The following CELF2 variants were observed in gnomAD, a reference collection of about 807,000 sequenced individuals.
CELF2 encodes CUGBP Elav-like family member 2.
In CELF2, 8 loss-of-function variants were observed where a neutral mutation model predicts 62.6. The ratio of observed to expected loss-of-function variants is 0.13; its 90% CI spans 0.07 to 0.23. The LOEUF is 0.23. Ranked by LOEUF, CELF2 falls within the 10% of genes least tolerant of loss-of-function variation. The pLI is 1.00. For missense variants in CELF2, 333 were observed against 671.0 expected (o/e 0.50, Z 5.56); for synonymous variants, 258 against 250.0 (o/e 1.03, Z -0.30).
intron 2 of CELF2, among the ~76,000 whole-genome samples, chr10:11,183,282 A>C (rs2073976323): frequency 6.6e-6 from 1 of 152,158 alleles, no homozygotes; most frequent in Non-Finnish European, 1.5e-5. Flanking sequence ...TCACTCATTG[A>C]TTCCTTTTGA....
chr10:10,992,777 A>T lies in CELF2; in HGVS notation c.89+72778A>T, dbSNP rs190193863. 2.2e-4 allele frequency among the ~76,000 whole-genome samples: 34 copies of T among 152,298 alleles called. No individual in the cohort carries two copies. In the East Asian group the frequency reaches 6.2e-3, roughly 28 times the overall value. ...TAATTCAATGATAGGTGATAAATGG[A>T]TGTTTGTTACAGGAATTTGACTGCA... On this transcript the variant is annotated intron_variant, in intron 2 of 13. Transcript: ENST00000636488.
intron 8 of CELF2, among the ~76,000 whole-genome samples, chr10:11,281,621 C>T (rs534048684): frequency 6.6e-6 from 1 of 152,170 alleles, no homozygotes; most frequent in Non-Finnish European, 1.5e-5. Context: ...GGTGTGGTGG[C>T]AAGCGCCTGT....
chr10:10,472,121 T>A, the CELF2 span, among the ~76,000 whole-genome samples: 118 of 152,014 alleles, frequency 7.8e-4, 1 homozygote, highest in African/African-American at 2.7e-3. Context: ...GTTTTCTGAA[T>A]CTGAATTAAA....
At chr10:11,166,741 G>A (rs1379752946) in intron 2 of CELF2, among the ~76,000 whole-genome samples, 1 of 152,112 alleles carries the variant, frequency 6.6e-6, no homozygotes, top group Non-Finnish European at 1.5e-5. Context: ...TATACACTTC[G>A]GTTGGGCACA....
At chr10:10,745,123 A>ACAAAAC in the CELF2 span, among the ~76,000 whole-genome samples, 1 of 119,714 alleles carries the variant, frequency 8.4e-6, no homozygotes, top group Non-Finnish European at 1.8e-5. Flanking sequence ...TAAAAAAAAA[A>ACAAAAC]AAAACAAAAC....
At chr10:10,701,139 C>G in the CELF2 span, among the ~76,000 whole-genome samples, 1 of 152,210 alleles carries the variant, frequency 6.6e-6, no homozygotes, top group Admixed American at 6.5e-5. Context: ...ACATCATGCA[C>G]GAAGGCCCAG....
chr10:11,295,833 G>C (rs1291049581), intron 9 of CELF2, among the ~76,000 whole-genome samples: 4 of 152,168 alleles, frequency 2.6e-5, no homozygotes, highest in African/African-American at 7.2e-5. Context: ...GAGAGAGCAT[G>C]CAAACCCCTC....
chr10:10,563,627 A>T, the CELF2 span, among the ~76,000 whole-genome samples: 1 of 143,760 alleles, frequency 7.0e-6, no homozygotes. Context: ...AAAAAAAAAA[A>T]GGGCAAGGGG....
upstream of CELF2, among the ~76,000 whole-genome samples, chr10:10,795,758 A>G (rs1217325710): frequency 1.3e-5 from 1 of 79,330 alleles, no homozygotes; most frequent in Non-Finnish European, 2.3e-5. Flanking sequence ...AAATTAAGAA[A>G]AAGGCAAAAT....
intron 1 of CELF2, among the ~76,000 whole-genome samples, chr10:11,061,731 G>T (rs1291839): frequency 6.6e-6 from 1 of 151,984 alleles, no homozygotes; most frequent in Non-Finnish European, 1.5e-5. Flanking sequence ...TTTACTAAAC[G>T]TACTCTTCCA....
At chr10:10,823,183 A>T (rs746298224) in intron 1 of CELF2, among the ~76,000 whole-genome samples, 46 of 152,242 alleles carry the variant, frequency 3.0e-4, no homozygotes, top group Non-Finnish European at 5.0e-4. Flanking sequence ...CATAGAAAGA[A>T]ACAGAAAAAA....
At position 11,267,405 on chromosome 10, in the gene CELF2, C is replaced by T. The variant is rs1163924675; in HGVS notation, c.618+728C>T. ...TTTAGTCTGTGATTTGGGTCATGGC[C>T]TTTCAGAATTTTGCACAAAAGCATT... On this transcript the variant is annotated intron_variant, in intron 6 of 12. Transcript: ENST00000633077. The surrounding 1 kb of genome is among the most constrained non-coding windows in gnomAD (Gnocchi z 4.4). Among the ~76,000 whole-genome samples the T allele has an allele frequency of 6.6e-6, 1 of 152,124 alleles. No homozygotes were observed. The highest frequency in any genetic ancestry group is 1.5e-5 in the Non-Finnish European group (1 of 68,020).
chr10:10,562,575 A>T, the CELF2 span, among the ~76,000 whole-genome samples: 1 of 152,172 alleles, frequency 6.6e-6, no homozygotes, highest in Admixed American at 6.5e-5. Context: ...CGGAGCGTTC[A>T]TGCTGTCCTT....
chr10:10,680,029 G>A, the CELF2 span, among the ~76,000 whole-genome samples: 7 of 152,042 alleles, frequency 4.6e-5, no homozygotes, highest in Non-Finnish European at 1.0e-4. Context: ...ATAATGATAC[G>A]TTAATACTCA....
At chr10:10,702,080 C>G in the CELF2 span, among the ~76,000 whole-genome samples, 1 of 152,194 alleles carries the variant, frequency 6.6e-6, no homozygotes, top group Admixed American at 6.5e-5. Context: ...TGGAGGGGAG[C>G]GGCAGATTTG....
At chr10:11,079,095 C>T (rs1218117412) in intron 1 of CELF2, among the ~76,000 whole-genome samples, 1 of 152,094 alleles carries the variant, frequency 6.6e-6, no homozygotes, top group Non-Finnish European at 1.5e-5. Flanking sequence ...TACTCTTACT[C>T]CCTACCCTCT....
chr10:11,058,173 T>C (rs980442753), intron 1 of CELF2, among the ~76,000 whole-genome samples: 5 of 152,026 alleles, frequency 3.3e-5, no homozygotes, highest in African/African-American at 1.2e-4. Flanking sequence ...TGCAAACAAG[T>C]AGGCATAAAA....
chr10:11,217,933 A>T lies in CELF2; in HGVS notation c.354+426A>T, dbSNP rs1342254729. On this transcript the variant is annotated intron_variant, in intron 3 of 12. Coordinates refer to ENST00000633077, the MANE Select transcript of CELF2 (RefSeq NM_001326342.2). This position sits in a 1 kb window ranked among gnomAD's most constrained non-coding sequence, Gnocchi z 5.6. Reference sequence around the variant, plus strand: ...AGGACAAAATGTACCCTTTACAGCCATAATATTAAGCCTCCTAATGGTTTC... The same window carrying T: ...AGGACAAAATGTACCCTTTACAGCCTTAATATTAAGCCTCCTAATGGTTTC... Among the ~76,000 whole-genome samples the T allele has an allele frequency of 6.6e-6, 1 of 152,254 alleles. No individual in the cohort carries two copies. Among genetic ancestry groups the T allele is most frequent in the African/African-American group, 2.4e-5 (1 of 41,472 alleles).
At chr10:10,973,473 A>C (rs1443107685) in intron 2 of CELF2, among the ~76,000 whole-genome samples, 1 of 152,144 alleles carries the variant, frequency 6.6e-6, no homozygotes, top group Non-Finnish European at 1.5e-5. Context: ...GTTCTCCTGC[A>C]GACCACGCTT....
Sources: gnomAD v4.1 joint callset for allele counts (sites outside exome capture counted in the v4.1 genomes callset) on GRCh38, gnomAD v4.1.1 for gene constraint, Gnocchi (gnomAD v3.1) non-coding constraint, MANE v1.5 for transcripts, NCBI Gene and HGNC (gene_info 2026-07-23, HGNC 2026-07-21) for gene names.